AKAP6: variants seen among roughly 807,000 people sequenced by gnomAD.
AKAP6 encodes the protein A-kinase anchor protein 6.
A neutral mutation model predicts 188.5 loss-of-function variants in AKAP6; 58 were observed. That is an observed-to-expected ratio of 0.31 (90% CI 0.25 to 0.38). The LOEUF is 0.38. Ranked by LOEUF, AKAP6 falls within the 10% of genes least tolerant of loss-of-function variation. AKAP6 has a pLI of 1.00. For synonymous variants in AKAP6, 989 were observed against 998.6 expected, an observed-to-expected ratio of 0.99 and a Z score of 0.18; for missense variants, 2,710 against 2,740.0, an observed-to-expected ratio of 0.99 and a Z score of 0.24.
At chr14:32,739,480 A>T (rs191042767) in intron 11 of AKAP6, among the ~76,000 whole-genome samples, 1 of 151,660 alleles carries the variant, frequency 6.6e-6, no homozygotes, top group Non-Finnish European at 1.5e-5. Context: ...CATTCATTCT[A>T]TTTTTTTCTT....
At chr14:32,664,517 G>A (rs1311074000) in intron 7 of AKAP6, among the ~76,000 whole-genome samples, 1 of 152,126 alleles carries the variant, frequency 6.6e-6, no homozygotes, top group Non-Finnish European at 1.5e-5. Context: ...TATTACTGCA[G>A]TGTCAGCCTA....
chr14:32,770,905 G>T (rs563749830), intron 11 of AKAP6, among the ~76,000 whole-genome samples: 62 of 152,322 alleles, frequency 4.1e-4, no homozygotes, highest in African/African-American at 1.4e-3. Context: ...AGATCAGGGA[G>T]GTAGGGATGT....
chr14:32,710,856 C>G (rs904935214), intron 9 of AKAP6, among the ~76,000 whole-genome samples: 1 of 152,020 alleles, frequency 6.6e-6, no homozygotes, highest in African/African-American at 2.4e-5. Flanking sequence ...CTATGACCTG[C>G]AGGTCACATG....
chr14:32,630,977 C>T (rs2139453132), intron 7 of AKAP6, among the ~76,000 whole-genome samples: 1 of 152,120 alleles, frequency 6.6e-6, no homozygotes, highest in South Asian at 2.1e-4. Context: ...TCCTTCTGGT[C>T]TTTCTTTCTA....
chr14:32,469,330 A>C (rs536306618), intron 2 of AKAP6, among the ~76,000 whole-genome samples: 1 of 152,312 alleles, frequency 6.6e-6, no homozygotes, highest in Non-Finnish European at 1.5e-5. Context: ...CATTCCCCCA[A>C]GTAATTTAAG....
chr14:32,691,892 A>G (rs188093341), intron 8 of AKAP6, among the ~76,000 whole-genome samples: 1 of 152,280 alleles, frequency 6.6e-6, no homozygotes, highest in Non-Finnish European at 1.5e-5. Context: ...TGATTTCACT[A>G]AATGTGGAAA....
intron 2 of AKAP6, among the ~76,000 whole-genome samples, chr14:32,507,970 T>G (rs1880964992): frequency 6.6e-6 from 1 of 152,198 alleles, no homozygotes; most frequent in Middle Eastern, 3.2e-3. Context: ...AGCCATGGCC[T>G]GCAAGCCCAG....
intron 11 of AKAP6, among the ~76,000 whole-genome samples, chr14:32,761,204 TGACTTTTTC>T (rs1314397084): frequency 6.6e-6 from 1 of 152,206 alleles, no homozygotes; most frequent in African/African-American, 2.4e-5. Flanking sequence ...TTTCTAATGT[TGACTTTTTC>T]TCTCTAGTAT....
intron 4 of AKAP6, among the ~76,000 whole-genome samples, chr14:32,557,505 A>G (rs954120253): frequency 2.0e-5 from 3 of 152,228 alleles, no homozygotes; most frequent in African/African-American, 7.2e-5. Flanking sequence ...ATTCACCCAC[A>G]GAGTAACTTG....
rs117360808 is a variant in AKAP6, at chr14:32,491,833, G to A, written c.325-43721G>A. Among the ~76,000 whole-genome samples, 851 of 152,176 alleles carry A rather than the reference G, an allele frequency of 5.6e-3. 5 individuals are homozygous for A. Among genetic ancestry groups the A allele is most frequent in the Non-Finnish European group, 7.3e-3 (498 of 68,006 alleles). ...ACATCAACTATGTAATTTTTATGTA[G>A]CAACAATTGATTTTATCTGCAGTGA... On this transcript the variant is annotated intron_variant, in intron 2 of 13. Transcript: ENST00000280979.
At chr14:32,646,637 C>A (rs369020161) in intron 7 of AKAP6, among the ~76,000 whole-genome samples, 8 of 152,220 alleles carry the variant, frequency 5.3e-5, no homozygotes, top group African/African-American at 1.9e-4. Flanking sequence ...GCATGCCTAG[C>A]AGGTGAGAGA....
At chr14:32,582,391 T>A (rs1219136097) in intron 5 of AKAP6, among the ~76,000 whole-genome samples, 13 of 151,250 alleles carry the variant, frequency 8.6e-5, no homozygotes, top group South Asian at 2.1e-4. Flanking sequence ...CTTCCCTTTG[T>A]GGGTAACCCG....
intron 7 of AKAP6, among the ~76,000 whole-genome samples, chr14:32,624,237 A>G (rs1886925499): frequency 6.6e-6 from 1 of 152,186 alleles, no homozygotes. Flanking sequence ...GTGGTCGTAA[A>G]TGACAACAAA....
intron 1 of AKAP6, among the ~76,000 whole-genome samples, chr14:32,346,405 C>T (rs1290954160): frequency 6.6e-6 from 1 of 152,224 alleles, no homozygotes; most frequent in Non-Finnish European, 1.5e-5. Context: ...CTTTCTGAGA[C>T]AGTATGTTTG....
In AKAP6 at chr14:32,546,590, A is replaced by G. The variant is rs1323223551; in HGVS notation, c.1937A>G (p.Lys646Arg). The change falls in exon 4 of 14, where the codon AAG becomes AGG. Residue 646 changes from lysine to arginine, a missense_variant. Coordinates refer to ENST00000280979, the MANE Select transcript of AKAP6 (RefSeq NM_004274.5). ...HLKQTEVLAL[K>R]LENLTKLLPQ... ...AAGCAGACAGAAGTATTGGCTTTGA[A>G]GTTGGAAAACCTAACAAAGCTTCTG... 2 of 1,614,226 alleles carry G rather than the reference A, an allele frequency of 1.2e-6. No individual in the cohort carries two copies. The highest frequency in any genetic ancestry group is 1.7e-6 in the Non-Finnish European group (2 of 1,180,024).
intron 12 of AKAP6, among the ~76,000 whole-genome samples, chr14:32,800,725 G>C (rs1219055176): frequency 3.3e-5 from 5 of 151,934 alleles, no homozygotes; most frequent in African/African-American, 1.2e-4. Context: ...ATTTAAAGTG[G>C]GTTTGTGGGC....
intron 1 of AKAP6, among the ~76,000 whole-genome samples, chr14:32,399,086 T>C (rs1367095204): frequency 3.3e-5 from 5 of 152,064 alleles, no homozygotes; most frequent in Non-Finnish European, 7.4e-5. Flanking sequence ...ACTCCTGAGC[T>C]TAGGCAATTC....
chr14:32,774,053 A>T, intron 12 of AKAP6, 160 bp downstream of exon 12: 1 of 689,904 alleles, frequency 1.4e-6, no homozygotes, highest in South Asian at 1.8e-5. Flanking sequence ...TAAAGCTCAT[A>T]GTTTTACTAC....
chr14:32,712,595 A>C (rs2029948370), intron 9 of AKAP6, among the ~76,000 whole-genome samples: 1 of 152,106 alleles, frequency 6.6e-6, no homozygotes, highest in African/African-American at 2.4e-5. Context: ...CTGTCATTTC[A>C]ACAGTGTTCA....
Sources: allele counts gnomAD v4.1 joint callset (sites outside exome capture counted in the v4.1 genomes callset), GRCh38; gene constraint gnomAD v4.1.1; transcripts MANE v1.5; gene names NCBI Gene and HGNC (gene_info 2026-07-23, HGNC 2026-07-21).